Variants in CAMTA1 observed in about 807,000 individuals in gnomAD.
The protein encoded by CAMTA1 is calmodulin binding transcription activator 1, also known as calmodulin-binding transcription activator 1.
In CAMTA1, 27 loss-of-function variants were observed where a neutral mutation model predicts 170.9. That is an observed-to-expected ratio of 0.16 (90% CI 0.12 to 0.22). The LOEUF is 0.22. Ranked by LOEUF, CAMTA1 falls within the 10% of genes least tolerant of loss-of-function variation. The pLI is 1.00. For synonymous variants in CAMTA1, 833 were observed against 891.5 expected (o/e 0.93, Z 1.17); for missense variants, 1,619 against 2,217.2 (o/e 0.73, Z 5.42).
intron 1 of CAMTA1, among the ~76,000 whole-genome samples, chr1:6,802,537 A>G (rs1254040309): frequency 6.6e-6 from 1 of 152,216 alleles, no homozygotes; most frequent in Non-Finnish European, 1.5e-5. Context: ...CTCTGTCCCC[A>G]TCAAACAGTG....
chr1:7,533,891 A>T (rs747837687), intron 6 of CAMTA1, among the ~76,000 whole-genome samples: 1 of 151,944 alleles, frequency 6.6e-6, no homozygotes, highest in Non-Finnish European at 1.5e-5. Context: ...TCTAGCCTGG[A>T]TGACAGAGCG....
At chr1:7,439,336 G>A (rs913683535) in intron 5 of CAMTA1, among the ~76,000 whole-genome samples, 9 of 152,162 alleles carry the variant, frequency 5.9e-5, no homozygotes, top group Non-Finnish European at 1.2e-4. Flanking sequence ...GTTCTTCGTT[G>A]TCTGGAATCG....
At chr1:7,434,556 T>A (rs1157907674) in intron 5 of CAMTA1, among the ~76,000 whole-genome samples, 1 of 152,112 alleles carries the variant, frequency 6.6e-6, no homozygotes, top group African/African-American at 2.4e-5. Flanking sequence ...CTAAAATGAG[T>A]CTGACATCAT....
At position 7,093,972 on chromosome 1, in the gene CAMTA1, GC is replaced by G. The variant is rs1175693112; in HGVS notation, c.302+2603del. 2.6e-5 allele frequency among the ~76,000 whole-genome samples: 4 copies of G among 152,174 alleles called. No individual in the cohort carries two copies. The highest frequency in any genetic ancestry group is 5.9e-5 in the Non-Finnish European group (4 of 68,018). ...TCACGTTTCTGATTCTGCTTCCCATGCCGTCGGGTCTGTCCATGCACAGGTG... is the reference window on the plus strand; with the variant it reads ...TCACGTTTCTGATTCTGCTTCCCATGCGTCGGGTCTGTCCATGCACAGGTG... On this transcript the variant is annotated intron_variant, in intron 4 of 22. Coordinates refer to ENST00000303635, the MANE Select transcript of CAMTA1 (RefSeq NM_015215.4). This position sits in a 1 kb window ranked among gnomAD's most constrained non-coding sequence, Gnocchi z 4.6.
At chr1:7,473,627 C>A (rs72642866) in intron 6 of CAMTA1, among the ~76,000 whole-genome samples, 13,309 of 152,278 alleles carry the variant, frequency 0.087, 737 homozygotes, top group Middle Eastern at 0.15. Flanking sequence ...TCAAGAGGGG[C>A]CGTGGGGCCC....
intron 5 of CAMTA1, among the ~76,000 whole-genome samples, chr1:7,353,398 C>G (rs1325690476): frequency 1.3e-5 from 2 of 150,598 alleles, no homozygotes. Context: ...TTAATACAAC[C>G]AAATCTGAAC....
intron 5 of CAMTA1, among the ~76,000 whole-genome samples, chr1:7,464,252 A>G (rs973387499): frequency 2.0e-5 from 3 of 152,030 alleles, no homozygotes; most frequent in African/African-American, 7.3e-5. Flanking sequence ...ACGCGTGTGC[A>G]CCTCACACGC....
In CAMTA1 at chr1:7,234,819, C is replaced by T. The variant is rs1394217680; in HGVS notation, c.303-14672C>T. Among the ~76,000 whole-genome samples the T allele has an allele frequency of 1.4e-5, 2 of 144,156 alleles. No individual in the cohort carries two copies. Among genetic ancestry groups the T allele is most frequent in the Admixed American group, 1.4e-4 (2 of 14,296 alleles). The allele number at this position is 144,156 out of a possible 152,430, so 94.6% of individuals were successfully genotyped here. ...TTTTTTTTTTTTAGATAGAGTCTCA[C>T]TTTGTCACCCAGGCTGGAGTGCGGT... On this transcript the variant is annotated intron_variant, in intron 4 of 22. Coordinates refer to ENST00000303635, the MANE Select transcript of CAMTA1 (RefSeq NM_015215.4). This position sits in a 1 kb window ranked among gnomAD's most constrained non-coding sequence, Gnocchi z 5.0.
intron 6 of CAMTA1, among the ~76,000 whole-genome samples, chr1:7,526,707 C>G (rs1478465716): frequency 1.3e-5 from 2 of 152,170 alleles, no homozygotes; most frequent in African/African-American, 4.8e-5. Flanking sequence ...TTGGAGAACA[C>G]CAGCCTGCGT....
At chr1:7,457,447 C>A (rs1297678499) in intron 5 of CAMTA1, among the ~76,000 whole-genome samples, 1 of 152,032 alleles carries the variant, frequency 6.6e-6, no homozygotes, top group African/African-American at 2.4e-5. Context: ...GGGGCAGAGG[C>A]ACGGGTGCCA....
At chr1:7,711,292 C>G (rs1048753266) in intron 11 of CAMTA1, among the ~76,000 whole-genome samples, 3 of 152,180 alleles carry the variant, frequency 2.0e-5, no homozygotes, top group Non-Finnish European at 2.9e-5. Flanking sequence ...TTCCAGAGGT[C>G]CCACTTCCTA....
chr1:7,020,490 C>G (rs1425545037), intron 3 of CAMTA1, among the ~76,000 whole-genome samples: 8 of 152,212 alleles, frequency 5.3e-5, no homozygotes, highest in Admixed American at 5.2e-4. Context: ...GATGTTCACA[C>G]AATGACAAGA....
intron 7 of CAMTA1, among the ~76,000 whole-genome samples, chr1:7,653,344 C>T (rs1186105847): frequency 1.3e-5 from 2 of 152,196 alleles, no homozygotes; most frequent in African/African-American, 4.8e-5. Flanking sequence ...TCACTGTAGC[C>T]TCGACCTCCC....
intron 6 of CAMTA1, among the ~76,000 whole-genome samples, chr1:7,617,382 C>T (rs1248676086): frequency 2.6e-5 from 4 of 152,154 alleles, no homozygotes; most frequent in South Asian, 2.1e-4. Flanking sequence ...TCCACTCCTT[C>T]GAAAACTTTG....
intron 3 of CAMTA1, among the ~76,000 whole-genome samples, chr1:6,938,316 G>A (rs571469685): frequency 2.0e-5 from 3 of 152,282 alleles, no homozygotes; most frequent in South Asian, 2.1e-4. Flanking sequence ...GGACCAGGGC[G>A]GCTGAGAGAC....
intron 4 of CAMTA1, among the ~76,000 whole-genome samples, chr1:7,122,437 G>A (rs1644699055): frequency 6.6e-6 from 1 of 151,998 alleles, no homozygotes; most frequent in Non-Finnish European, 1.5e-5. Context: ...GGCGATCAGA[G>A]CACTTTAGGG....
chr1:7,143,146 G>C (rs1202853179), intron 4 of CAMTA1, among the ~76,000 whole-genome samples: 1 of 152,148 alleles, frequency 6.6e-6, no homozygotes, highest in Non-Finnish European at 1.5e-5. Context: ...ACGGGGTGCA[G>C]CTCCCATGGT....
chr1:7,690,775 C>T (rs2096301714), intron 11 of CAMTA1, among the ~76,000 whole-genome samples: 1 of 152,218 alleles, frequency 6.6e-6, no homozygotes, highest in Non-Finnish European at 1.5e-5. Context: ...GCTCAGACAA[C>T]AGTGAGTGGG....
intron 5 of CAMTA1, among the ~76,000 whole-genome samples, chr1:7,361,429 A>C (rs2085527211): frequency 6.6e-6 from 1 of 152,124 alleles, no homozygotes; most frequent in African/African-American, 2.4e-5. Flanking sequence ...TCTAGCTGAC[A>C]TTTGTTGGGC....
Sources: allele counts gnomAD v4.1 joint callset (sites outside exome capture counted in the v4.1 genomes callset), GRCh38; gene constraint gnomAD v4.1.1; non-coding constraint Gnocchi (gnomAD v3.1); transcripts MANE v1.5; gene names NCBI Gene and HGNC (gene_info 2026-07-23, HGNC 2026-07-21).